Variants in SYT9 observed in about 807,000 individuals in gnomAD.
The protein encoded by SYT9 is synaptotagmin 9, also known as synaptotagmin-9.
Under a neutral mutation model 48.4 loss-of-function variants are expected in SYT9, and 22 were observed. The ratio of observed to expected loss-of-function variants is 0.45; its 90% CI spans 0.32 to 0.65. The LOEUF is 0.65. SYT9 is among the 30% of genes least tolerant of loss of function. The pLI is 0.03. For synonymous variants in SYT9, 265 were observed against 245.0 expected, an observed-to-expected ratio of 1.08 and a Z score of -0.76; for missense variants, 577 against 622.0, an observed-to-expected ratio of 0.93 and a Z score of 0.77.
chr11:7,435,396 C>G (rs1847683023), intron 6 of SYT9: 1 of 152,202 alleles, frequency 6.6e-6, no homozygotes, highest in Admixed American at 6.5e-5. Context: ...TGCTTCAAGC[C>G]AATAATTCTC....
intron 3 of SYT9, among the ~76,000 whole-genome samples, chr11:7,413,952 A>G (rs1190949014): frequency 1.3e-5 from 2 of 152,176 alleles, no homozygotes; most frequent in Non-Finnish European, 2.9e-5. Flanking sequence ...TACATTCTGA[A>G]TATACCATCA....
chr11:7,287,649 A>C (rs1452883719), intron 1 of SYT9, among the ~76,000 whole-genome samples: 8 of 152,218 alleles, frequency 5.3e-5, no homozygotes, highest in Non-Finnish European at 1.5e-5. Context: ...TTAGAAGGCG[A>C]GAAGGCATTC....
At chr11:7,421,734 TATA>T (rs1488283258) in intron 6 of SYT9, among the ~76,000 whole-genome samples, 4 of 152,244 alleles carry the variant, frequency 2.6e-5, no homozygotes, top group African/African-American at 9.6e-5. Context: ...GGTCCAATGC[TATA>T]ATAGCTACAG....
intron 3 of SYT9, among the ~76,000 whole-genome samples, chr11:7,370,353 C>A (rs1431827790): frequency 6.6e-6 from 1 of 152,054 alleles, no homozygotes; most frequent in Non-Finnish European, 1.5e-5. Context: ...AAGACTGTTT[C>A]CTTTTGCCCC....
At chr11:7,462,413 A>G (rs1848252740) in intron 6 of SYT9, among the ~76,000 whole-genome samples, 1 of 152,182 alleles carries the variant, frequency 6.6e-6, no homozygotes, top group African/African-American at 2.4e-5. Context: ...ATCTCCTGAA[A>G]GGCAGTATAG....
At chr11:7,458,486 A>AAATG (rs1564911101) in intron 6 of SYT9, among the ~76,000 whole-genome samples, 2 of 151,294 alleles carry the variant, frequency 1.3e-5, no homozygotes, top group Non-Finnish European at 2.9e-5. Flanking sequence ...CATCTCAAAA[A>AAATG]AATTAATTAA....
At chr11:7,332,439 A>G (rs1169048660) in intron 3 of SYT9, among the ~76,000 whole-genome samples, 2 of 152,244 alleles carry the variant, frequency 1.3e-5, no homozygotes, top group African/African-American at 4.8e-5. Context: ...GGCTTTGTCA[A>G]AGGGGATGTA....
At chr11:7,251,170 T>C, upstream of SYT9, among the ~76,000 whole-genome samples, 1 of 151,708 alleles carries the variant, frequency 6.6e-6, no homozygotes, top group South Asian at 2.1e-4. Flanking sequence ...GCTTTACTGC[T>C]TGAAAGGCTG....
intron 6 of SYT9, among the ~76,000 whole-genome samples, chr11:7,454,451 C>T (rs1038825671): frequency 6.6e-6 from 1 of 152,188 alleles, no homozygotes; most frequent in African/African-American, 2.4e-5. Flanking sequence ...GACACAGTCC[C>T]TTTCCCCATT....
intron 6 of SYT9, among the ~76,000 whole-genome samples, chr11:7,432,787 C>T (rs934853923): frequency 6.6e-6 from 1 of 151,306 alleles, no homozygotes; most frequent in Non-Finnish European, 1.5e-5. Flanking sequence ...TTTTATATTA[C>T]AGGCTCATGG....
chr11:7,357,718 C>T (rs7102833), intron 3 of SYT9, among the ~76,000 whole-genome samples: 84,586 of 151,926 alleles, frequency 0.56, 25,654 homozygotes, highest in East Asian at 0.78. Context: ...CTCAACTTTC[C>T]TCTCCTCCCT....
At chr11:7,285,129 A>G (rs1296315522) in intron 1 of SYT9, among the ~76,000 whole-genome samples, 2 of 152,152 alleles carry the variant, frequency 1.3e-5, no homozygotes, top group Non-Finnish European at 2.9e-5. Flanking sequence ...GGAATTTGGG[A>G]GCTAAAGATG....
chr11:7,269,339 C>G (rs1589900215), intron 1 of SYT9, among the ~76,000 whole-genome samples: 1 of 152,020 alleles, frequency 6.6e-6, no homozygotes, highest in East Asian at 1.9e-4. Flanking sequence ...AATATAACTG[C>G]TAAAATTCCA....
chr11:7,404,088 C>A (rs1201815053), intron 3 of SYT9, among the ~76,000 whole-genome samples: 1 of 151,912 alleles, frequency 6.6e-6, no homozygotes, highest in African/African-American at 2.4e-5. Flanking sequence ...TTTAGCCACT[C>A]CAGATATATT....
chr11:7,378,595 A>G (rs1164740929), intron 3 of SYT9, among the ~76,000 whole-genome samples: 5 of 151,938 alleles, frequency 3.3e-5, no homozygotes, highest in African/African-American at 1.2e-4. Context: ...GGAGGTGCAT[A>G]GTGCTCCTCT....
intron 1 of SYT9, among the ~76,000 whole-genome samples, chr11:7,288,776 G>A (rs918082827): frequency 1.3e-5 from 2 of 152,180 alleles, no homozygotes; most frequent in Non-Finnish European, 2.9e-5. Context: ...ATAGACCACT[G>A]TCTGATCTCC....
At chr11:7,276,832 G>A (rs1564844419) in intron 1 of SYT9, among the ~76,000 whole-genome samples, 1 of 152,084 alleles carries the variant, frequency 6.6e-6, no homozygotes, top group African/African-American at 2.4e-5. Context: ...TGGATCACGA[G>A]GTCAGGTGTT....
At chr11:7,360,318 T>C (rs1249282509) in intron 3 of SYT9, among the ~76,000 whole-genome samples, 1 of 152,226 alleles carries the variant, frequency 6.6e-6, no homozygotes, top group Non-Finnish European at 1.5e-5. Flanking sequence ...TGGCTTAGGA[T>C]TGACTTGGCA....
intron 3 of SYT9, among the ~76,000 whole-genome samples, chr11:7,346,031 T>G (rs541831577): frequency 1.3e-5 from 2 of 152,048 alleles, no homozygotes; most frequent in South Asian, 4.1e-4. Context: ...TACATTGAAG[T>G]TGATGAAGAA....
Sources: gnomAD v4.1 joint callset for allele counts (sites outside exome capture counted in the v4.1 genomes callset) on GRCh38, gnomAD v4.1.1 for gene constraint, MANE v1.5 for transcripts, NCBI Gene and HGNC (gene_info 2026-07-23, HGNC 2026-07-21) for gene names.